ANP32A: variants seen among roughly 807,000 people sequenced by gnomAD.
ANP32A encodes acidic leucine-rich nuclear phosphoprotein 32 family member A.
Under a neutral mutation model 33.9 loss-of-function variants are expected in ANP32A, and 1 was observed. The ratio of observed to expected loss-of-function variants is 0.03; its 90% CI spans 0.01 to 0.14. ANP32A has a LOEUF of 0.14. ANP32A is among the 10% of genes least tolerant of loss of function. ANP32A has a pLI of 1.00. For synonymous variants in ANP32A, 115 were observed against 120.5 expected (o/e 0.95, Z 0.30); for missense variants, 155 against 306.0 (o/e 0.51, Z 3.68).
chr15:68,800,467 G>A (rs548175147), intron 1 of ANP32A, among the ~76,000 whole-genome samples: 1 of 151,454 alleles, frequency 6.6e-6, no homozygotes, highest in East Asian at 1.9e-4. Flanking sequence ...GAAAGGCACC[G>A]GGCGCGGTGG....
At chr15:68,818,634 T>C (rs1894424486) in intron 1 of ANP32A, among the ~76,000 whole-genome samples, 1 of 147,090 alleles carries the variant, frequency 6.8e-6, no homozygotes, top group African/African-American at 2.6e-5. Context: ...ACACACACAC[T>C]CGTGGAAGTT....
intron 1 of ANP32A, among the ~76,000 whole-genome samples, chr15:68,811,250 G>A (rs993831180): frequency 6.6e-6 from 1 of 152,002 alleles, no homozygotes; most frequent in East Asian, 1.9e-4. Context: ...GAGAAGAGTG[G>A]GATGGGCAGT....
chr15:68,794,004 C>T (rs568050031), intron 1 of ANP32A, among the ~76,000 whole-genome samples: 2 of 152,306 alleles, frequency 1.3e-5, no homozygotes, highest in African/African-American at 2.4e-5. Context: ...GGCAGGCTCT[C>T]GAGTCCGAGA....
At chr15:68,786,453 T>A (rs1893935143) in intron 3 of ANP32A, among the ~76,000 whole-genome samples, 1 of 151,942 alleles carries the variant, frequency 6.6e-6, no homozygotes. Flanking sequence ...ACAGATGGGG[T>A]GTCACCATGT....
intron 3 of ANP32A, among the ~76,000 whole-genome samples, chr15:68,786,985 A>G (rs1206275614): frequency 1.3e-5 from 2 of 152,178 alleles, no homozygotes; most frequent in African/African-American, 2.4e-5. Context: ...CTCACAGTTC[A>G]GGGGCCAGCG....
chr15:68,784,272 A>G (rs1893905266), intron 4 of ANP32A, 125 bp downstream of exon 4: 2 of 1,111,098 alleles, frequency 1.8e-6, no homozygotes. Context: ...CCAGACAGAC[A>G]GCCAGCCTTC....
chr15:68,782,894 G>A, intron 5 of ANP32A, 62 bp downstream of exon 5: 2 of 1,546,432 alleles, frequency 1.3e-6, no homozygotes, highest in South Asian at 2.4e-5. Flanking sequence ...TGATCACAGA[G>A]GCAGTCAGTG....
Position 68,778,964 on chromosome 15 carries a change from T to C in ANP32A, c.*1117A>G, listed in dbSNP as rs557351243. 1.3e-5 allele frequency: 2 copies of C among 152,266 alleles called. No individual in the cohort carries two copies. Among genetic ancestry groups the C allele is most frequent in the African/African-American group, 4.8e-5 (2 of 41,550 alleles). The allele number at this position is 152,266 out of a possible 1,614,324, so 9.4% of individuals were successfully genotyped here. Reference sequence around the variant, plus strand: ...GACAAACAGACATAAAACTCAAAGTTTGGCTCTTCTGAGGGGCAGGAGAAA... The same window carrying C: ...GACAAACAGACATAAAACTCAAAGTCTGGCTCTTCTGAGGGGCAGGAGAAA... On this transcript the variant is annotated 3_prime_UTR_variant, in exon 7 of 7. Coordinates refer to ENST00000465139, the MANE Select transcript of ANP32A (RefSeq NM_006305.4).
chr15:68,799,112 T>A (rs2958409), intron 1 of ANP32A, among the ~76,000 whole-genome samples: 136,624 of 151,966 alleles, frequency 0.9, 61,867 homozygotes, highest in Middle Eastern at 0.97. Flanking sequence ...AATCTGTGAA[T>A]TACACATGTA....
intron 1 of ANP32A, 73 bp from the exon 2 acceptor site, chr15:68,787,992 C>A: frequency 5.1e-6 from 8 of 1,575,080 alleles, no homozygotes; most frequent in Non-Finnish European, 7.0e-6. Context: ...TTAGAGGACT[C>A]CTCAGAGAAC....
chr15:68,811,546 A>G (rs997974165), intron 1 of ANP32A, among the ~76,000 whole-genome samples: 1 of 152,146 alleles, frequency 6.6e-6, no homozygotes, highest in Admixed American at 6.5e-5. Flanking sequence ...GGGCAGTAAG[A>G]AAAAGAGTTG....
Position 68,782,947 on chromosome 15 carries a change from C to A in ANP32A, c.624+9G>T, listed in dbSNP as rs1275918566. ...CAGACGGTGGCCCTGCCCAGCCCAGCCTCCTTACCTCCTCCTCTCCACTCA... is the reference window on the plus strand; with the variant it reads ...CAGACGGTGGCCCTGCCCAGCCCAGACTCCTTACCTCCTCCTCTCCACTCA... On this transcript the variant is annotated intron_variant, in intron 5 of 6. Coordinates refer to ENST00000465139, the MANE Select transcript of ANP32A (RefSeq NM_006305.4). The A allele has an allele frequency of 2.6e-6, 4 of 1,551,696 alleles. No homozygotes were observed. Among genetic ancestry groups the A allele is most frequent in the Non-Finnish European group, 3.5e-6 (4 of 1,146,914 alleles).
chr15:68,787,743 A>G (rs377082441), intron 2 of ANP32A, 27 bp downstream of exon 2: 103 of 1,426,352 alleles, frequency 7.2e-5, no homozygotes, highest in Non-Finnish European at 9.4e-5. Context: ...CCCGCCTCCC[A>G]GCACACACAG....
At chr15:68,802,558 G>C (rs942893590) in intron 1 of ANP32A, among the ~76,000 whole-genome samples, 1 of 152,200 alleles carries the variant, frequency 6.6e-6, no homozygotes, top group African/African-American at 2.4e-5. Context: ...GCTTGGGCAT[G>C]TCAGTTTGCA....
chr15:68,782,596 C>T (rs1185271229), intron 5 of ANP32A, among the ~76,000 whole-genome samples: 1 of 152,186 alleles, frequency 6.6e-6, no homozygotes, highest in Non-Finnish European at 1.5e-5. Flanking sequence ...TTTTCCCTAG[C>T]ACAGTTTAAG....
chr15:68,782,882 A>T (rs1435443883), intron 5 of ANP32A, 74 bp downstream of exon 5: 1 of 1,541,900 alleles, frequency 6.5e-7, no homozygotes, highest in African/African-American at 1.4e-5. Context: ...GGCTGCCAAG[A>T]CTGATCACAG....
intron 1 of ANP32A, among the ~76,000 whole-genome samples, chr15:68,810,146 G>A (rs1894292766): frequency 6.6e-6 from 1 of 152,170 alleles, no homozygotes; most frequent in Non-Finnish European, 1.5e-5. Flanking sequence ...AGAGAGAGTG[G>A]GGCAAGGGAA....
Position 68,787,509 on chromosome 15 carries a change from T to G in ANP32A, c.231A>C (p.Ser77=), listed in dbSNP as rs1368090394. ...KKLELSDNRV[S]GGLEVLAEKC... is the part of the protein sequence containing the mutation. ...TTTCTGCCAATACTTCCAGGCCCCC[T>G]GAGACTCTGTTATCGCTTAGTTCAA... Residue 77 remains serine (S), a synonymous_variant, in exon 3 of 7, where the codon TCA becomes TCC. Transcript: ENST00000465139. 6.2e-7 allele frequency: 1 copy of G among 1,614,158 alleles called. No individual in the cohort carries two copies. The highest frequency in any genetic ancestry group is 1.3e-5 in the African/African-American group (1 of 75,028).
chr15:68,784,643 G>A (rs1425346535), intron 3 of ANP32A, 48 bp from the exon 4 acceptor site: 1 of 1,603,098 alleles, frequency 6.2e-7, no homozygotes. Flanking sequence ...GTGGGAGGAA[G>A]GTGGAGGAAC....
Sources: allele counts gnomAD v4.1 joint callset (sites outside exome capture counted in the v4.1 genomes callset), GRCh38; gene constraint gnomAD v4.1.1; transcripts MANE v1.5; gene names NCBI Gene and HGNC (gene_info 2026-07-23, HGNC 2026-07-21).